CLYBL: variants seen among roughly 807,000 people sequenced by gnomAD.
CLYBL encodes citramalyl-CoA lyase, mitochondrial.
A neutral mutation model predicts 38.9 loss-of-function variants in CLYBL; 31 were observed. The ratio of observed to expected loss-of-function variants is 0.80; its 90% CI spans 0.60 to 1.08. CLYBL has a LOEUF of 1.08. CLYBL is among the 50% of genes least tolerant of loss of function. The probability of loss-of-function intolerance (pLI) is 0.00; values close to 1 mark genes in which losing one functional copy is unlikely to be tolerated. For synonymous variants in CLYBL, 171 were observed against 158.6 expected (o/e 1.08, Z -0.59); for missense variants, 434 against 411.6 (o/e 1.05, Z -0.47).
Position 99,772,815 on chromosome 13 carries a change from G to A in CLYBL, c.63-9G>A. 2 of 1,582,498 alleles carry A rather than the reference G, an allele frequency of 1.3e-6. No individual in the cohort carries two copies. The highest frequency in any genetic ancestry group is 2.3e-5 in the East Asian group (1 of 44,328). ...CATTCTGGACTAACCCCAATCACGT[G>A]TCTTGCAGGAAAGCGTCTCTAGCAG... is the stretch of plus-strand genomic sequence containing the variant. On this transcript the variant is annotated splice_polypyrimidine_tract_variant and intron_variant, in intron 1 of 8. Coordinates refer to ENST00000339105, the MANE Select transcript of CLYBL (RefSeq NM_206808.5).
At chr13:99,873,299 A>G (rs897483109) in intron 7 of CLYBL, among the ~76,000 whole-genome samples, 3 of 152,216 alleles carry the variant, frequency 2.0e-5, no homozygotes, top group Admixed American at 6.5e-5. Flanking sequence ...GGTTTAAATA[A>G]TGTGGGTTCT....
chr13:99,720,351 G>A (rs1358504878), intron 1 of CLYBL, among the ~76,000 whole-genome samples: 1 of 152,056 alleles, frequency 6.6e-6, no homozygotes, highest in African/African-American at 2.4e-5. Context: ...TGTTATCAGA[G>A]TCTAGTACTT....
intron 2 of CLYBL, among the ~76,000 whole-genome samples, chr13:99,855,983 T>G (rs1405358688): frequency 6.6e-6 from 1 of 152,152 alleles, no homozygotes; most frequent in East Asian, 1.9e-4. Context: ...AATGATGAAG[T>G]GTAAAGAGCT....
chr13:99,716,167 T>A (rs2139509963), intron 1 of CLYBL, among the ~76,000 whole-genome samples: 1 of 135,848 alleles, frequency 7.4e-6, no homozygotes, highest in South Asian at 2.3e-4. Flanking sequence ...TTTATTGGTG[T>A]AATTTTTTTT....
rs555310053 is a variant in CLYBL, at chr13:99,842,145, A to T, written c.250-16716A>T. On this transcript the variant is annotated intron_variant, in intron 2 of 8. Coordinates refer to ENST00000339105, the MANE Select transcript of CLYBL (RefSeq NM_206808.5). The stretch of plus-strand genomic sequence containing the variant: ...AACACCTATGTATTTTTATGCTTAG[A>T]TTTGATGCAAGTCGACAGTCGTGTA... 1.7e-3 allele frequency among the ~76,000 whole-genome samples: 262 copies of T among 152,218 alleles called. 1 individual carries two copies. The Middle Eastern group carries it at 0.037, about 22-fold the overall frequency.
downstream of CLYBL, among the ~76,000 whole-genome samples, chr13:99,899,926 T>G (rs1343541309): frequency 6.6e-6 from 1 of 152,058 alleles, no homozygotes; most frequent in Non-Finnish European, 1.5e-5. Flanking sequence ...ATTTTTATTT[T>G]TATTTATTTA....
chr13:99,874,177 T>C (rs1403984183), intron 7 of CLYBL, among the ~76,000 whole-genome samples: 1 of 152,220 alleles, frequency 6.6e-6, no homozygotes, highest in African/African-American at 2.4e-5. Context: ...AGATTCCAAA[T>C]AATCTCTGCT....
chr13:99,669,062 C>T (rs534267879), intron 1 of CLYBL, among the ~76,000 whole-genome samples: 46 of 149,984 alleles, frequency 3.1e-4, no homozygotes, highest in Non-Finnish European at 5.8e-4. Context: ...AGTGCAGTGG[C>T]GCGATCTCGG....
chr13:99,668,592 A>AAG (rs1230538590), intron 1 of CLYBL, among the ~76,000 whole-genome samples: 1 of 150,080 alleles, frequency 6.7e-6, no homozygotes, highest in Non-Finnish European at 1.5e-5. Flanking sequence ...TCTCAAAAAA[A>AAG]AAAAAAAGAA....
At chr13:99,897,940 C>CAAAA (rs10635703), downstream of CLYBL, among the ~76,000 whole-genome samples, 17,420 of 149,548 alleles carry the variant, frequency 0.12, 1,398 homozygotes, top group African/African-American at 0.23. Flanking sequence ...AATGCCGTCT[C>CAAAA]AAAAAAAAGA....
intron 1 of CLYBL, among the ~76,000 whole-genome samples, chr13:99,699,987 A>G (rs559964023): frequency 3.3e-5 from 5 of 151,914 alleles, no homozygotes; most frequent in Non-Finnish European, 5.9e-5. Flanking sequence ...GCGAGACTCC[A>G]TCTAAAAAAG....
rs1309709611 is a variant in CLYBL at position 99,869,324 on chromosome 13, A to G, written c.803-1614A>G. ...TCTGGCTTTTTACGCATTGGTGTAA[A>G]TTATGTACATAAATTATGAAATTCA... On this transcript the variant is annotated intron_variant, in intron 6 of 8. Transcript: ENST00000339105. This position sits in a 1 kb window ranked among gnomAD's most constrained non-coding sequence, Gnocchi z 4.3. 6.6e-6 allele frequency among the ~76,000 whole-genome samples: 1 copy of G among 152,160 alleles called. No homozygotes were observed. The highest frequency in any genetic ancestry group is 1.5e-5 in the Non-Finnish European group (1 of 68,002).
In CLYBL at chr13:99,750,735, T is replaced by TAA. The variant is rs11375965; in HGVS notation, c.63-22080_63-22079dup. ...ATTTTTAAATAATGCCCTCTTTTTT[T>TAA]AAAAAAAAAATCTTATGTTTAAGAA... On this transcript the variant is annotated intron_variant, in intron 1 of 8. Transcript: ENST00000339105. 3.4e-3 allele frequency among the ~76,000 whole-genome samples: 505 copies of TAA among 149,884 alleles called. 3 individuals carry two copies. Among genetic ancestry groups the TAA allele is most frequent in the South Asian group, 0.014 (68 of 4,756 alleles).
At chr13:99,641,383 A>G (rs1046321402) in intron 1 of CLYBL, among the ~76,000 whole-genome samples, 4 of 152,184 alleles carry the variant, frequency 2.6e-5, no homozygotes, top group African/African-American at 7.2e-5. Flanking sequence ...AAAATAGTAC[A>G]ACACGGCCAG....
At chr13:99,642,705 A>G (rs958057292) in intron 1 of CLYBL, among the ~76,000 whole-genome samples, 4 of 152,018 alleles carry the variant, frequency 2.6e-5, no homozygotes, top group African/African-American at 9.7e-5. Context: ...GGCATGAGCC[A>G]CCATGCCCAG....
intron 1 of CLYBL, among the ~76,000 whole-genome samples, chr13:99,713,334 C>CTTTTTTT (rs759844768): frequency 1.2e-4 from 12 of 101,646 alleles, no homozygotes; most frequent in African/African-American, 2.3e-4. Context: ...TTCTCTATTT[C>CTTTTTTT]TTTTTTTTTT....
At chr13:99,803,452 T>G (rs1187208039) in intron 2 of CLYBL, among the ~76,000 whole-genome samples, 1 of 152,252 alleles carries the variant, frequency 6.6e-6, no homozygotes, top group Non-Finnish European at 1.5e-5. Context: ...CAGTCTGAAT[T>G]TGGGTTTCCA....
At chr13:99,648,029 A>G (rs2047201424) in intron 1 of CLYBL, among the ~76,000 whole-genome samples, 1 of 152,206 alleles carries the variant, frequency 6.6e-6, no homozygotes, top group African/African-American at 2.4e-5. Flanking sequence ...TTTCTATCTT[A>G]AAGTCTTTAA....
intron 1 of CLYBL, among the ~76,000 whole-genome samples, chr13:99,675,323 A>ATATACTT (rs1555351081): frequency 6.6e-6 from 1 of 151,858 alleles, no homozygotes; most frequent in Non-Finnish European, 1.5e-5. Context: ...CTATATGTGT[A>ATATACTT]TATACTTTAT....
Sources: gnomAD v4.1 joint callset for allele counts (sites outside exome capture counted in the v4.1 genomes callset) on GRCh38, gnomAD v4.1.1 for gene constraint, Gnocchi (gnomAD v3.1) non-coding constraint, MANE v1.5 for transcripts, NCBI Gene and HGNC (gene_info 2026-07-23, HGNC 2026-07-21) for gene names.